SETD2: variants seen among roughly 807,000 people sequenced by gnomAD.
SETD2 encodes the protein SET domain containing 2, histone lysine methyltransferase.
In SETD2, 31 loss-of-function variants were observed where a neutral mutation model predicts 242.1. That is an observed-to-expected ratio of 0.13 (90% CI 0.10 to 0.17). The LOEUF (loss-of-function observed/expected upper bound fraction) is 0.17. SETD2 is among the 10% of genes least tolerant of loss of function. SETD2 has a pLI of 1.00. For synonymous variants in SETD2, 1,006 were observed against 1,066.5 expected (o/e 0.94, Z 1.11); for missense variants, 2,481 against 3,046.3 (o/e 0.81, Z 4.37).
At chr3:47,098,196 T>A in intron 8 of SETD2, 115 bp from the exon 9 acceptor site, 1 of 1,014,288 alleles carries the variant, frequency 9.9e-7, no homozygotes. Flanking sequence ...ACAAAAACCA[T>A]AACTTGAAGA....
At chr3:47,053,598 A>C (rs1206030200) in intron 15 of SETD2, among the ~76,000 whole-genome samples, 2 of 152,258 alleles carry the variant, frequency 1.3e-5, no homozygotes, top group African/African-American at 2.4e-5. Flanking sequence ...CAAATATTAA[A>C]GATACTGAAT....
At chr3:47,150,069 T>TGCCA (rs1299608912) in intron 1 of SETD2, among the ~76,000 whole-genome samples, 2 of 135,078 alleles carry the variant, frequency 1.5e-5, no homozygotes, top group East Asian at 4.6e-4. Context: ...CTCGCTCTGT[T>TGCCA]GCCAGGCTGG....
At chr3:47,144,698 T>C (rs2043812562) in intron 1 of SETD2, among the ~76,000 whole-genome samples, 1 of 151,960 alleles carries the variant, frequency 6.6e-6, no homozygotes. Context: ...CCAGGCACGG[T>C]GGCCCACACC....
intron 15 of SETD2, among the ~76,000 whole-genome samples, chr3:47,051,673 A>G (rs2107563000): frequency 6.6e-6 from 1 of 152,276 alleles, no homozygotes; most frequent in African/African-American, 2.4e-5. Context: ...GTGAACATTT[A>G]ATATTCTGAT....
chr3:47,046,413 T>C, intron 16 of SETD2, 74 bp downstream of exon 16: 1 of 1,330,218 alleles, frequency 7.5e-7, no homozygotes, highest in East Asian at 2.7e-5. Context: ...CCAAAACAAA[T>C]CCAAACCAAA....
intron 12 of SETD2, among the ~76,000 whole-genome samples, chr3:47,079,937 T>C (rs1575738804): frequency 6.6e-6 from 1 of 152,208 alleles, no homozygotes; most frequent in Non-Finnish European, 1.5e-5. Flanking sequence ...GCAATTCTAA[T>C]TTTGTTAAAG....
intron 12 of SETD2, chr3:47,080,766 G>T (rs1159343271): frequency 3.0e-6 from 3 of 984,082 alleles, no homozygotes; most frequent in Non-Finnish European, 3.6e-6. Context: ...CAAGGCAGTG[G>T]TCCTGTGTAT....
chr3:47,088,597 G>A (rs2041666397), intron 9 of SETD2, among the ~76,000 whole-genome samples: 1 of 151,950 alleles, frequency 6.6e-6, no homozygotes, highest in African/African-American at 2.4e-5. Context: ...TAAACCAAAA[G>A]GACTTCAGAG....
At chr3:47,103,059 T>C (rs1435718475) in intron 7 of SETD2, among the ~76,000 whole-genome samples, 2 of 152,244 alleles carry the variant, frequency 1.3e-5, no homozygotes, top group African/African-American at 4.8e-5. Flanking sequence ...AATACGGTCT[T>C]CATATTACTT....
chr3:47,092,409 A>G (rs1374301235), intron 9 of SETD2, among the ~76,000 whole-genome samples: 2 of 151,972 alleles, frequency 1.3e-5, no homozygotes, highest in East Asian at 1.9e-4. Flanking sequence ...ATGGGTCAAC[A>G]TCATCCAAGA....
intron 5 of SETD2, among the ~76,000 whole-genome samples, chr3:47,107,138 A>G (rs1004546829): frequency 2.0e-5 from 3 of 152,170 alleles, no homozygotes; most frequent in Non-Finnish European, 4.4e-5. Flanking sequence ...GACTTCAACT[A>G]TTAGTTCTAT....
intron 1 of SETD2, among the ~76,000 whole-genome samples, chr3:47,127,949 T>G (rs1207279571): frequency 6.6e-6 from 1 of 152,134 alleles, no homozygotes; most frequent in South Asian, 2.1e-4. Context: ...ATCATGCCAC[T>G]GCACTCCAGT....
intron 12 of SETD2, among the ~76,000 whole-genome samples, chr3:47,081,640 T>C (rs927393183): frequency 2.6e-5 from 4 of 152,236 alleles, no homozygotes; most frequent in Admixed American, 2.6e-4. Flanking sequence ...TCTGGTTAAA[T>C]GCTATCTATG....
chr3:47,053,510 C>A (rs2039936471), intron 15 of SETD2, among the ~76,000 whole-genome samples: 1 of 152,078 alleles, frequency 6.6e-6, no homozygotes, highest in Non-Finnish European at 1.5e-5. Flanking sequence ...AATTACGTGA[C>A]CTCTGTTAAA....
At chr3:47,132,037 A>T (rs545741081) in intron 1 of SETD2, among the ~76,000 whole-genome samples, 1 of 152,008 alleles carries the variant, frequency 6.6e-6, no homozygotes, top group East Asian at 1.9e-4. Flanking sequence ...CAGCCTCCCA[A>T]AGTGCTGGGA....
At chr3:47,019,666 G>T in intron 19 of SETD2, 94 bp downstream of exon 19, 3 of 1,076,910 alleles carry the variant, frequency 2.8e-6, no homozygotes, top group South Asian at 2.6e-5. Flanking sequence ...GCCTATCTTG[G>T]GGCAAAGGAG....
At chr3:47,140,996 G>A (rs77287109) in intron 1 of SETD2, among the ~76,000 whole-genome samples, 4,641 of 152,086 alleles carry the variant, frequency 0.031, 232 homozygotes, top group East Asian at 0.13. Context: ...AGCTCGCTTG[G>A]TTAATATTGT....
chr3:47,059,116 T>C (rs1476157921), intron 14 of SETD2, among the ~76,000 whole-genome samples: 1 of 143,614 alleles, frequency 7.0e-6, no homozygotes, highest in African/African-American at 2.6e-5. Flanking sequence ...GCCTTTTTTT[T>C]TTTTTTTTTT....
At chr3:47,042,155 C>T (rs2039308917) in intron 17 of SETD2, among the ~76,000 whole-genome samples, 2 of 152,196 alleles carry the variant, frequency 1.3e-5, no homozygotes, top group East Asian at 1.9e-4. Context: ...GTCAGGAGTT[C>T]GAGACCAGCC....
Sources: allele counts gnomAD v4.1 joint callset (sites outside exome capture counted in the v4.1 genomes callset), GRCh38; gene constraint gnomAD v4.1.1; transcripts MANE v1.5; gene names NCBI Gene and HGNC (gene_info 2026-07-23, HGNC 2026-07-21).